NHSL1: variants seen among roughly 807,000 people sequenced by gnomAD.
NHSL1 encodes the protein NHS-like protein 1.
A neutral mutation model predicts 95.0 loss-of-function variants in NHSL1; 48 were observed. That is an observed-to-expected ratio of 0.51 (90% CI 0.40 to 0.64). NHSL1 has a LOEUF of 0.64. Ranked by LOEUF, NHSL1 falls within the 30% of genes least tolerant of loss-of-function variation. The pLI is 0.00. For synonymous variants in NHSL1, 783 were observed against 833.9 expected (o/e 0.94, Z 1.05); for missense variants, 1,971 against 2,077.7 (o/e 0.95, Z 1.00).
intron 1 of NHSL1, among the ~76,000 whole-genome samples, chr6:138,532,333 T>C (rs938375080): frequency 2.6e-5 from 4 of 152,186 alleles, no homozygotes; most frequent in African/African-American, 7.2e-5. Context: ...ACAGTGGTGG[T>C]AGGGAACTGA....
At chr6:138,583,852 T>C (rs910068935) in intron 1 of NHSL1, among the ~76,000 whole-genome samples, 2 of 152,116 alleles carry the variant, frequency 1.3e-5, no homozygotes, top group African/African-American at 4.8e-5. Context: ...CAATCTGCCA[T>C]ATGAGGGAGG....
chr6:138,485,173 C>A (rs1318719955), intron 2 of NHSL1, among the ~76,000 whole-genome samples: 1 of 152,086 alleles, frequency 6.6e-6, no homozygotes, highest in African/African-American at 2.4e-5. Flanking sequence ...TAAGCCAACA[C>A]GGGAGACTTC....
intron 1 of NHSL1, among the ~76,000 whole-genome samples, chr6:138,647,112 A>C (rs982292791): frequency 2.0e-5 from 3 of 152,212 alleles, no homozygotes; most frequent in Non-Finnish European, 4.4e-5. Context: ...CTAATCTCCC[A>C]AAAACAGTGA....
At position 138,430,898 on chromosome 6, in the gene NHSL1, G is replaced by A; in HGVS notation, c.3447C>T (p.Asp1149=). 6.4e-7 allele frequency: 1 copy of A among 1,551,552 alleles called. No individual in the cohort carries two copies. Among genetic ancestry groups the A allele is most frequent in the Non-Finnish European group, 8.7e-7 (1 of 1,146,910 alleles). ...CACCACGCTCAGCCGCACTGCCATG[G>A]TCACCCTGACTCGAGCTCTTGGCAG... ...PTPAKSSSQG[D]HGSAAERGGP... is the part of the protein sequence containing the mutation. Residue 1149 remains aspartate (D), a synonymous_variant, in exon 6 of 8, where the codon GAC becomes GAT. Transcript: ENST00000343505. This position sits in a 1 kb window ranked among gnomAD's most constrained non-coding sequence, Gnocchi z 4.7.
At chr6:138,447,335 G>T in intron 3 of NHSL1, 142 bp from the exon 4 acceptor site, 2 of 676,328 alleles carry the variant, frequency 3.0e-6, no homozygotes, top group Non-Finnish European at 4.9e-6. Flanking sequence ...AGAAGCAATG[G>T]TTTGCTCAGC....
intron 1 of NHSL1, among the ~76,000 whole-genome samples, chr6:138,592,951 T>C (rs1427940359): frequency 6.6e-6 from 1 of 152,222 alleles, no homozygotes; most frequent in East Asian, 1.9e-4. Context: ...TAAATCAGTT[T>C]ACTTGCTTCC....
chr6:138,488,917 G>A (rs1165063658), intron 2 of NHSL1, among the ~76,000 whole-genome samples: 1 of 152,196 alleles, frequency 6.6e-6, no homozygotes, highest in African/African-American at 2.4e-5. Context: ...CTACAAAATG[G>A]AAAGGGGGAC....
chr6:138,433,813 C>T, intron 5 of NHSL1, 133 bp from the exon 6 acceptor site: 2 of 1,291,918 alleles, frequency 1.5e-6, no homozygotes, highest in African/African-American at 3.0e-5. Context: ...CTGTAGGTAT[C>T]TAAGTACATT....
intron 1 of NHSL1, among the ~76,000 whole-genome samples, chr6:138,510,628 G>A (rs1781176823): frequency 6.6e-6 from 1 of 152,170 alleles, no homozygotes; most frequent in Non-Finnish European, 1.5e-5. Context: ...GACCTAAGAT[G>A]ATATTTGAAT....
At chr6:138,576,830 T>C (rs903307238), upstream of NHSL1, among the ~76,000 whole-genome samples, 2 of 152,242 alleles carry the variant, frequency 1.3e-5, no homozygotes, top group African/African-American at 2.4e-5. Flanking sequence ...TTGCATCTTT[T>C]ATACTTAGTT....
At position 138,633,284 on chromosome 6, in the gene NHSL1, G is replaced by A. The variant is rs374202955; in HGVS notation, c.96+59192C>T. On this transcript the variant is annotated intron_variant, in intron 1 of 3. Transcript: ENST00000491526. ...ACAGGGGCAGAAAATTTATTCAAAC[G>A]GATAATAACAGAGAATTTCCCAAAC... Among the ~76,000 whole-genome samples, 29 of 152,166 alleles carry A rather than the reference G, an allele frequency of 1.9e-4. No homozygotes were observed. The East Asian group carries it at 4.1e-3, about 21-fold the overall frequency.
chr6:138,569,279 G>GAGAGAGAA (rs1315097448), intron 1 of NHSL1, among the ~76,000 whole-genome samples: 2 of 152,002 alleles, frequency 1.3e-5, no homozygotes, highest in Non-Finnish European at 2.9e-5. Flanking sequence ...GTGAGAGAGA[G>GAGAGAGAA]AGAGAGAAAG....
chr6:138,482,844 C>T (rs1048142429), intron 2 of NHSL1, among the ~76,000 whole-genome samples: 5 of 152,190 alleles, frequency 3.3e-5, no homozygotes, highest in African/African-American at 1.2e-4. Flanking sequence ...CTTCAAGGTG[C>T]TTACAGTTTA....
intron 3 of NHSL1, among the ~76,000 whole-genome samples, chr6:138,458,405 C>G (rs957045085): frequency 1.3e-4 from 20 of 152,124 alleles, no homozygotes; most frequent in African/African-American, 4.6e-4. Flanking sequence ...CCCAAAGTAG[C>G]CTCAGATCAA....
intron 2 of NHSL1, among the ~76,000 whole-genome samples, chr6:138,483,556 C>T (rs1779549200): frequency 6.6e-6 from 1 of 152,204 alleles, no homozygotes. Flanking sequence ...ACTCCAGCTG[C>T]AACTGCAGGG....
chr6:138,684,777 C>T (rs1785563095), intron 1 of NHSL1, among the ~76,000 whole-genome samples: 2 of 152,192 alleles, frequency 1.3e-5, no homozygotes, highest in African/African-American at 4.8e-5. Context: ...CACACTGTGA[C>T]AAGTGCAGAC....
intron 1 of NHSL1, 112 bp from the exon 2 acceptor site, chr6:138,496,483 G>T: frequency 2.1e-6 from 2 of 951,058 alleles, no homozygotes; most frequent in Non-Finnish European, 3.2e-6. Context: ...GCCAGCAAGG[G>T]AGCAATGGAG....
intron 1 of NHSL1, among the ~76,000 whole-genome samples, chr6:138,643,839 A>C (rs1784985681): frequency 6.6e-6 from 1 of 152,018 alleles, no homozygotes; most frequent in South Asian, 2.1e-4. Flanking sequence ...CTCTACTAAA[A>C]AGACAAAAGT....
intron 2 of NHSL1, among the ~76,000 whole-genome samples, chr6:138,495,441 T>C (rs1020848990): frequency 6.6e-6 from 1 of 152,222 alleles, no homozygotes. Flanking sequence ...TCAAAGTCTA[T>C]ACATAGGTCC....
Sources: allele counts gnomAD v4.1 joint callset (sites outside exome capture counted in the v4.1 genomes callset), GRCh38; gene constraint gnomAD v4.1.1; non-coding constraint Gnocchi (gnomAD v3.1); transcripts MANE v1.5; gene names NCBI Gene and HGNC (gene_info 2026-07-23, HGNC 2026-07-21).